The following FSTL4 variants were observed in gnomAD, a reference collection of about 807,000 sequenced individuals.
FSTL4 encodes the protein follistatin like 4, also known as follistatin-related protein 4.
FSTL4 carries 28 observed loss-of-function variants against 78.2 expected under a neutral mutation model. The ratio of observed to expected loss-of-function variants is 0.36; its 90% CI spans 0.27 to 0.49. FSTL4 has a LOEUF of 0.49. FSTL4 is among the 20% of genes least tolerant of loss of function. The probability of loss-of-function intolerance (pLI) is 0.98; values close to 1 mark genes in which losing one functional copy is unlikely to be tolerated. For missense variants in FSTL4, 922 were observed against 1,084.9 expected (o/e 0.85, Z 2.11); for synonymous variants, 422 against 440.5 (o/e 0.96, Z 0.53).
chr5:133,286,172 A>G (rs1753124716), intron 6 of FSTL4, among the ~76,000 whole-genome samples: 1 of 152,194 alleles, frequency 6.6e-6, no homozygotes, highest in Non-Finnish European at 1.5e-5. Context: ...TCCACCATTT[A>G]CTGACTATGC....
the FSTL4 span, among the ~76,000 whole-genome samples, chr5:133,691,452 G>C: frequency 6.6e-6 from 1 of 152,114 alleles, no homozygotes; most frequent in African/African-American, 2.4e-5. Flanking sequence ...TACAGAGGTG[G>C]CTCTGACCCA....
rs1561635542 is a variant in FSTL4, at chr5:133,236,662, TG to T, written c.895-3126del. 6.6e-6 allele frequency among the ~76,000 whole-genome samples: 1 copy of T among 152,176 alleles called. No individual in the cohort carries two copies. Among genetic ancestry groups the T allele is most frequent in the African/African-American group, 2.4e-5 (1 of 41,458 alleles). ...CCCTCATACTCAGAGCCTTGTTTGC[TG>T]GGGGCCAGCCCCTCTCAGACCCTAC... On this transcript the variant is annotated intron_variant, in intron 7 of 15. Transcript: ENST00000265342. This position sits in a 1 kb window ranked among gnomAD's most constrained non-coding sequence, Gnocchi z 5.0.
Position 133,333,630 on chromosome 5 carries a change from A to T in FSTL4, c.410-16978T>A, listed in dbSNP as rs1485886924. On this transcript the variant is annotated intron_variant, in intron 4 of 15. Coordinates refer to ENST00000265342, the MANE Select transcript of FSTL4 (RefSeq NM_015082.2). The stretch of plus-strand genomic sequence containing the variant: ...CATCCAGGGCTGAGAAATGTAGGGA[A>T]CACAAAGATGGGATTTCCAGGTCTT... Among the ~76,000 whole-genome samples, 3 of 152,220 alleles carry T rather than the reference A, an allele frequency of 2.0e-5. No homozygotes were observed. The East Asian group carries it at 5.8e-4, about 29-fold the overall frequency.
intron 3 of FSTL4, among the ~76,000 whole-genome samples, chr5:133,497,038 G>C (rs1027314306): frequency 6.6e-6 from 1 of 152,206 alleles, no homozygotes; most frequent in Admixed American, 6.5e-5. Context: ...AGGGTCTGCT[G>C]TTCCTTCATG....
At chr5:133,693,512 G>A in the FSTL4 span, among the ~76,000 whole-genome samples, 2 of 152,138 alleles carry the variant, frequency 1.3e-5, no homozygotes, top group African/African-American at 4.8e-5. Context: ...AACTGGCGTG[G>A]ATTAGTGTCA....
the FSTL4 span, among the ~76,000 whole-genome samples, chr5:133,816,168 C>A: frequency 6.6e-6 from 1 of 152,182 alleles, no homozygotes; most frequent in Non-Finnish European, 1.5e-5. Context: ...GCTGACCTAT[C>A]TGAAGGTGAG....
the FSTL4 span, among the ~76,000 whole-genome samples, chr5:133,783,482 GC>G: frequency 6.6e-6 from 1 of 152,194 alleles, no homozygotes; most frequent in African/African-American, 2.4e-5. Context: ...AAGGCATCCA[GC>G]CCCAGCCTAA....
chr5:133,400,039 G>A (rs980895041), intron 4 of FSTL4, among the ~76,000 whole-genome samples: 4 of 152,170 alleles, frequency 2.6e-5, no homozygotes, highest in African/African-American at 9.7e-5. Flanking sequence ...CTTGGTGCAG[G>A]GCACAGTGCT....
intron 3 of FSTL4, among the ~76,000 whole-genome samples, chr5:133,509,269 C>T (rs1758675387): frequency 6.6e-6 from 1 of 152,184 alleles, no homozygotes; most frequent in Non-Finnish European, 1.5e-5. Flanking sequence ...AACCCCCACA[C>T]CTCATCTCCT....
the FSTL4 span, among the ~76,000 whole-genome samples, chr5:133,666,754 T>A: frequency 6.6e-6 from 1 of 152,360 alleles, no homozygotes; most frequent in Admixed American, 6.5e-5. Flanking sequence ...TTTTTCTCTC[T>A]TATTCAGAAT....
intron 3 of FSTL4, among the ~76,000 whole-genome samples, chr5:133,510,315 T>C (rs1321266229): frequency 6.6e-6 from 1 of 152,218 alleles, no homozygotes; most frequent in East Asian, 1.9e-4. Context: ...TGGCATCATA[T>C]ATTAACAAAT....
chr5:133,321,545 G>A (rs751633094), intron 4 of FSTL4, among the ~76,000 whole-genome samples: 2 of 152,172 alleles, frequency 1.3e-5, no homozygotes, highest in Non-Finnish European at 2.9e-5. Flanking sequence ...TCAAGATGAT[G>A]TTGAGAATGA....
the FSTL4 span, among the ~76,000 whole-genome samples, chr5:133,723,392 G>A: frequency 4.6e-5 from 7 of 152,266 alleles, no homozygotes; most frequent in Non-Finnish European, 7.4e-5. Context: ...ATGACACAGC[G>A]GGAGCTTGGC....
chr5:133,668,645 G>C, the FSTL4 span, among the ~76,000 whole-genome samples: 5 of 152,204 alleles, frequency 3.3e-5, no homozygotes, highest in Admixed American at 1.3e-4. Context: ...GACCTTGCTA[G>C]TAGCCAGAGA....
the FSTL4 span, among the ~76,000 whole-genome samples, chr5:133,623,480 C>T: frequency 1.3e-5 from 2 of 151,882 alleles, no homozygotes; most frequent in African/African-American, 2.4e-5. Context: ...CTACCTCACA[C>T]CAAATTCAAA....
At position 133,221,913 on chromosome 5, in the gene FSTL4, T is replaced by TTTTTTTTTG. The variant is rs1554097227; in HGVS notation, c.1340-1048_1340-1047insCAAAAAAAA. On this transcript the variant is annotated intron_variant, in intron 11 of 15. Transcript: ENST00000265342. The stretch of plus-strand genomic sequence containing the variant: ...CTAGTTTTTTTTTTTTTTTTTTTTT[T>TTTTTTTTTG]TTTTTTTTTTTTTTAGCATGCTGAG... Among the ~76,000 whole-genome samples, 722 of 97,792 alleles carry TTTTTTTTTG rather than the reference T, an allele frequency of 7.4e-3. 20 individuals are homozygous for TTTTTTTTTG. Among genetic ancestry groups the TTTTTTTTTG allele is most frequent in the Middle Eastern group, 0.024 (4 of 164 alleles). The allele number at this position is 97,792 out of a possible 152,430, so 64.2% of individuals were successfully genotyped here. A position where few individuals can be genotyped will look rare whatever the true frequency, so the allele number is the denominator to read the frequency against.
At chr5:133,508,284 G>A (rs1758653444) in intron 3 of FSTL4, among the ~76,000 whole-genome samples, 1 of 152,144 alleles carries the variant, frequency 6.6e-6, no homozygotes, top group Non-Finnish European at 1.5e-5. Flanking sequence ...GGGATGGGTG[G>A]GAATCATCTT....
chr5:133,774,002 G>A, the FSTL4 span, among the ~76,000 whole-genome samples: 14 of 152,302 alleles, frequency 9.2e-5, no homozygotes, highest in South Asian at 1.7e-3. Context: ...ACCTGAAGTG[G>A]CTCTGGCACT....
At chr5:133,571,069 G>A (rs1045088249) in intron 2 of FSTL4, among the ~76,000 whole-genome samples, 1 of 151,810 alleles carries the variant, frequency 6.6e-6, no homozygotes, top group Non-Finnish European at 1.5e-5. Context: ...AGGGCAAAAG[G>A]CTGAGAAACA....
Sources: gnomAD v4.1 joint callset for allele counts (sites outside exome capture counted in the v4.1 genomes callset) on GRCh38, gnomAD v4.1.1 for gene constraint, Gnocchi (gnomAD v3.1) non-coding constraint, MANE v1.5 for transcripts, NCBI Gene and HGNC (gene_info 2026-07-23, HGNC 2026-07-21) for gene names.